The following MED15 variants were observed in gnomAD, a reference collection of about 807,000 sequenced individuals.
MED15 encodes mediator of RNA polymerase II transcription subunit 15.
In MED15, 41 loss-of-function variants were observed where a neutral mutation model predicts 118.7. That is an observed-to-expected ratio of 0.35 (90% CI 0.27 to 0.45). The LOEUF is 0.45. MED15 is among the 20% of genes least tolerant of loss of function. The pLI is 1.00. For missense variants in MED15, 740 were observed against 1,025.5 expected, an observed-to-expected ratio of 0.72 and a Z score of 3.80; for synonymous variants, 436 against 413.9, an observed-to-expected ratio of 1.05 and a Z score of -0.65.
chr22:20,568,720 A>G, intron 8 of MED15, 89 bp downstream of exon 8: 6 of 1,533,324 alleles, frequency 3.9e-6, no homozygotes, highest in Non-Finnish European at 5.3e-6. Flanking sequence ...TTCTGGTTGG[A>G]TTAGGGGCTG....
chr22:20,537,569 T>C (rs2055130074), intron 2 of MED15, among the ~76,000 whole-genome samples: 1 of 152,176 alleles, frequency 6.6e-6, no homozygotes, highest in Non-Finnish European at 1.5e-5. Flanking sequence ...CTAGGGGTCC[T>C]TACCTAAGCC....
chr22:20,524,139 AGTTT>A (rs2054552887), intron 1 of MED15: 2 of 152,432 alleles, frequency 1.3e-5, no homozygotes, highest in East Asian at 1.9e-4. Flanking sequence ...AAAAAGTTAC[AGTTT>A]GTTTGGGATA....
chr22:20,540,559 G>A (rs755909225), intron 2 of MED15, among the ~76,000 whole-genome samples: 1 of 152,104 alleles, frequency 6.6e-6, no homozygotes, highest in Non-Finnish European at 1.5e-5. Context: ...GGGTGACAGA[G>A]TGAGACTCTG....
chr22:20,548,051 G>A (rs2055621759), intron 2 of MED15, among the ~76,000 whole-genome samples: 7 of 152,148 alleles, frequency 4.6e-5, no homozygotes, highest in Admixed American at 3.9e-4. Flanking sequence ...TTGCCCCTGA[G>A]TTGCCCAGGC....
chr22:20,519,934 A>G (rs1056029130), intron 1 of MED15, among the ~76,000 whole-genome samples: 1 of 151,940 alleles, frequency 6.6e-6, no homozygotes, highest in African/African-American at 2.4e-5. Flanking sequence ...TGTCTTTTTA[A>G]TTTTAATTTT....
chr22:20,513,184 A>G (rs2054135291), intron 1 of MED15, among the ~76,000 whole-genome samples: 1 of 151,974 alleles, frequency 6.6e-6, no homozygotes, highest in Non-Finnish European at 1.5e-5. Flanking sequence ...GTGATTCTCC[A>G]GTGCAGTGGT....
chr22:20,546,687 G>A (rs1272390931), intron 2 of MED15, among the ~76,000 whole-genome samples: 2 of 152,048 alleles, frequency 1.3e-5, no homozygotes, highest in African/African-American at 4.8e-5. Flanking sequence ...GCTCAGGGCT[G>A]TGTATCTGGG....
chr22:20,518,279 G>C, intron 1 of MED15, among the ~76,000 whole-genome samples: 1 of 152,206 alleles, frequency 6.6e-6, no homozygotes, highest in Admixed American at 6.5e-5. Flanking sequence ...CTCAATGCCA[G>C]ACCAGCCTTC....
At chr22:20,556,732 A>G (rs898602763) in intron 5 of MED15, among the ~76,000 whole-genome samples, 2 of 151,952 alleles carry the variant, frequency 1.3e-5, no homozygotes, top group Non-Finnish European at 2.9e-5. Context: ...ATTACCACCA[A>G]CCAACTCTCT....
chr22:20,536,164 C>G (rs1380714039), intron 1 of MED15, among the ~76,000 whole-genome samples: 1 of 152,192 alleles, frequency 6.6e-6, no homozygotes, highest in East Asian at 1.9e-4. Context: ...GCGTGTGGCA[C>G]TGCACCTGGC....
intron 9 of MED15, among the ~76,000 whole-genome samples, chr22:20,576,960 C>A (rs1045207447): frequency 2.0e-5 from 3 of 152,214 alleles, no homozygotes; most frequent in Non-Finnish European, 4.4e-5. Flanking sequence ...TTAGTAGCAG[C>A]ATGTAGGACT....
chr22:20,532,726 C>T (rs948857889), intron 1 of MED15, among the ~76,000 whole-genome samples: 2 of 152,196 alleles, frequency 1.3e-5, no homozygotes, highest in Non-Finnish European at 2.9e-5. Flanking sequence ...TGGTGGCCGC[C>T]TCATAGGCCT....
chr22:20,575,330 C>A (rs1029449638), intron 9 of MED15, 98 bp downstream of exon 9: 91 of 1,396,936 alleles, frequency 6.5e-5, no homozygotes, highest in Non-Finnish European at 8.3e-5. Flanking sequence ...CCGGTGACTT[C>A]TTTTATGGTG....
At chr22:20,582,786 C>T (rs374417430) in intron 10 of MED15, 39 bp downstream of exon 10, 224 of 1,594,842 alleles carry the variant, frequency 1.4e-4, no homozygotes, top group African/African-American at 7.2e-4. Context: ...ACCTGGCCCT[C>T]GAGGCTGGCC....
chr22:20,585,230 C>T lies in MED15; in HGVS notation c.2094C>T (p.Cys698=). Residue 698 remains cysteine, a synonymous_variant, in exon 16 of 18, where the codon TGC becomes TGT. Coordinates refer to ENST00000263205, the MANE Select transcript of MED15 (RefSeq NM_001003891.3). The part of the protein sequence containing the change: ...KFLVNLDPSH[C]SNNGTVHLIC... The stretch of plus-strand genomic sequence containing the variant: ...TGGTAAACCTGGACCCTTCTCACTG[C>T]AGCAACAATGGCACTGTCCACCTGA... 1.9e-6 allele frequency: 3 copies of T among 1,613,694 alleles called. No homozygotes were observed. The highest frequency in any genetic ancestry group is 2.2e-5 in the East Asian group (1 of 44,882).
intron 2 of MED15, among the ~76,000 whole-genome samples, chr22:20,549,571 G>A (rs1279952444): frequency 6.6e-6 from 1 of 152,138 alleles, no homozygotes; most frequent in Non-Finnish European, 1.5e-5. Flanking sequence ...AGTTGTTGTG[G>A]TTGACCCATT....
intron 5 of MED15, among the ~76,000 whole-genome samples, chr22:20,556,896 A>G (rs1478474563): frequency 6.6e-6 from 1 of 152,170 alleles, no homozygotes; most frequent in Non-Finnish European, 1.5e-5. Flanking sequence ...TTTAAATTCA[A>G]TCTGATACCC....
intron 8 of MED15, among the ~76,000 whole-genome samples, chr22:20,570,430 C>T (rs1289002510): frequency 1.4e-5 from 2 of 143,662 alleles, no homozygotes; most frequent in African/African-American, 2.6e-5. Flanking sequence ...CTGACTCTGT[C>T]ATCCAGGCTG....
Position 20,521,231 on chromosome 22 carries a change from G to C in MED15, c.68+13485G>C, listed in dbSNP as rs184650698. Among the ~76,000 whole-genome samples, 20 of 150,136 alleles carry C rather than the reference G, an allele frequency of 1.3e-4. No homozygotes were observed. The East Asian group carries it at 3.8e-3, about 28-fold the overall frequency. On this transcript the variant is annotated intron_variant, in intron 1 of 17. Transcript: ENST00000263205. Reference sequence around the variant, plus strand: ...CCTGCCTCAGCCTCCCGATTAGCTGGGATTACAGGCACGTACCACCATGCC... The same window carrying C: ...CCTGCCTCAGCCTCCCGATTAGCTGCGATTACAGGCACGTACCACCATGCC...
Sources: allele counts gnomAD v4.1 joint callset (sites outside exome capture counted in the v4.1 genomes callset), GRCh38; gene constraint gnomAD v4.1.1; transcripts MANE v1.5; gene names NCBI Gene and HGNC (gene_info 2026-07-23, HGNC 2026-07-21).